Variants in SNAP25 observed in about 807,000 individuals in gnomAD.
SNAP25 encodes the protein synaptosomal-associated protein 25.
A neutral mutation model predicts 28.7 loss-of-function variants in SNAP25; 3 were observed. That is an observed-to-expected ratio of 0.10 (90% CI 0.05 to 0.27). The LOEUF (loss-of-function observed/expected upper bound fraction) is 0.27, where lower values mean the gene tolerates loss of function less well. Among genes scored for constraint, SNAP25 ranks in the 10% least tolerant of loss-of-function variants. SNAP25 has a pLI of 1.00. For missense variants in SNAP25, 117 were observed against 278.7 expected (o/e 0.42, Z 4.13); for synonymous variants, 61 against 88.1 (o/e 0.69, Z 1.72).
At chr20:10,300,497 G>A (rs759893216) in intron 7 of SNAP25, among the ~76,000 whole-genome samples, 2 of 152,118 alleles carry the variant, frequency 1.3e-5, no homozygotes, top group East Asian at 3.9e-4. Context: ...GAAGTTCTTT[G>A]TCTGATATCC....
At chr20:10,292,810 A>G in intron 4 of SNAP25, 2 of 896,246 alleles carry the variant, frequency 2.2e-6, no homozygotes, top group Non-Finnish European at 3.5e-6. Flanking sequence ...TGTTTCACAT[A>G]GTCATTTCTC....
At chr20:10,224,565 A>C (rs868527795) in intron 1 of SNAP25, among the ~76,000 whole-genome samples, 1 of 151,964 alleles carries the variant, frequency 6.6e-6, no homozygotes, top group Non-Finnish European at 1.5e-5. Flanking sequence ...CTAGTGACCG[A>C]TGGCCTCAGC....
chr20:10,267,285 AC>A (rs905487095), intron 1 of SNAP25, among the ~76,000 whole-genome samples: 3 of 152,208 alleles, frequency 2.0e-5, no homozygotes, highest in Non-Finnish European at 2.9e-5. Flanking sequence ...TATACCCAGA[AC>A]AAGAAAAATG....
chr20:10,274,783 C>G (rs1347893329), intron 1 of SNAP25, among the ~76,000 whole-genome samples: 1 of 152,094 alleles, frequency 6.6e-6, no homozygotes, highest in Non-Finnish European at 1.5e-5. Flanking sequence ...GCAGAGCTTG[C>G]AGTGAGCTGA....
At chr20:10,302,949 T>G (rs1048827512) in intron 7 of SNAP25, among the ~76,000 whole-genome samples, 1 of 152,138 alleles carries the variant, frequency 6.6e-6, no homozygotes, top group East Asian at 1.9e-4. Flanking sequence ...CCCAGATCCT[T>G]TAAGGATATA....
At chr20:10,279,886 G>A (rs919828346) in intron 3 of SNAP25, among the ~76,000 whole-genome samples, 7 of 152,138 alleles carry the variant, frequency 4.6e-5, no homozygotes, top group African/African-American at 1.4e-4. Context: ...TTCCTCCTGG[G>A]TTATTTTCTA....
At chr20:10,283,375 T>C (rs186034452) in intron 3 of SNAP25, among the ~76,000 whole-genome samples, 88 of 152,270 alleles carry the variant, frequency 5.8e-4, no homozygotes, top group African/African-American at 1.0e-3. Flanking sequence ...TCACCAGCAT[T>C]CCAGCCCAGA....
chr20:10,277,888 G>C (rs955515457), intron 3 of SNAP25, 162 bp downstream of exon 3: 3 of 631,436 alleles, frequency 4.8e-6, no homozygotes, highest in Non-Finnish European at 8.2e-6. Context: ...TATTTAAGTT[G>C]CCAGATAGCC....
chr20:10,298,368 A>G (rs923451093), intron 6 of SNAP25, among the ~76,000 whole-genome samples: 5 of 152,248 alleles, frequency 3.3e-5, no homozygotes, highest in Non-Finnish European at 7.3e-5. Context: ...TTTTGAAACC[A>G]TAATGAGCCA....
chr20:10,260,822 A>G (rs1001504671), intron 1 of SNAP25, among the ~76,000 whole-genome samples: 3 of 152,166 alleles, frequency 2.0e-5, no homozygotes, highest in Non-Finnish European at 4.4e-5. Flanking sequence ...CATTCCACCA[A>G]TAAAAAATTA....
At chr20:10,278,312 GCAT>G (rs752059950) in intron 3 of SNAP25, among the ~76,000 whole-genome samples, 34 of 152,274 alleles carry the variant, frequency 2.2e-4, no homozygotes, top group Non-Finnish European at 4.0e-4. Flanking sequence ...CCTGGATTGA[GCAT>G]CCATTTGCCA....
At chr20:10,271,970 C>G (rs1368783917) in intron 1 of SNAP25, among the ~76,000 whole-genome samples, 1 of 152,156 alleles carries the variant, frequency 6.6e-6, no homozygotes, top group Non-Finnish European at 1.5e-5. Context: ...AGAAGGCACT[C>G]TTGTTTGTCT....
At chr20:10,270,422 G>A (rs1270166284) in intron 1 of SNAP25, among the ~76,000 whole-genome samples, 1 of 152,056 alleles carries the variant, frequency 6.6e-6, no homozygotes, top group African/African-American at 2.4e-5. Flanking sequence ...GAATCAGCTG[G>A]CCACGATGGC....
intron 6 of SNAP25, among the ~76,000 whole-genome samples, 187 bp from the exon 7 acceptor site, chr20:10,299,081 T>C (rs533064952): frequency 6.7e-6 from 1 of 148,846 alleles, no homozygotes; most frequent in Non-Finnish European, 1.5e-5. Context: ...ATTCAAGGGT[T>C]CAAAAAGCAA....
intron 3 of SNAP25, chr20:10,277,987 G>A: frequency 3.0e-6 from 1 of 331,974 alleles, no homozygotes; most frequent in Non-Finnish European, 5.4e-6. Context: ...CCAAGTCTGT[G>A]CTCTCAAGAA....
At chr20:10,272,818 T>C (rs1002707006) in intron 1 of SNAP25, among the ~76,000 whole-genome samples, 3 of 152,092 alleles carry the variant, frequency 2.0e-5, no homozygotes, top group African/African-American at 7.2e-5. Context: ...AACCCTGAAG[T>C]TTTGTTATTT....
intron 4 of SNAP25, among the ~76,000 whole-genome samples, chr20:10,288,034 A>C (rs1256045615): frequency 6.6e-6 from 1 of 152,116 alleles, no homozygotes; most frequent in Non-Finnish European, 1.5e-5. Context: ...GGGGAGGGAT[A>C]GCTTTAGGAG....
chr20:10,282,730 C>T (rs959610020), intron 3 of SNAP25, among the ~76,000 whole-genome samples: 5 of 152,144 alleles, frequency 3.3e-5, no homozygotes, highest in Non-Finnish European at 5.9e-5. Context: ...AAGTGCTCTC[C>T]GAGATGCCTC....
At chr20:10,249,076 T>C (rs1272774959) in intron 1 of SNAP25, among the ~76,000 whole-genome samples, 1 of 152,230 alleles carries the variant, frequency 6.6e-6, no homozygotes, top group Non-Finnish European at 1.5e-5. Flanking sequence ...TCCAGTTTAC[T>C]CTCATGGAAA....
Sources: allele counts gnomAD v4.1 joint callset (sites outside exome capture counted in the v4.1 genomes callset), GRCh38; gene constraint gnomAD v4.1.1; transcripts MANE v1.5; gene names NCBI Gene and HGNC (gene_info 2026-07-23, HGNC 2026-07-21).